RELCH: variants seen among roughly 807,000 people sequenced by gnomAD.
The protein encoded by RELCH is RAB11 binding and LisH domain, coiled-coil and HEAT repeat containing.
RELCH carries 41 observed loss-of-function variants against 150.3 expected under a neutral mutation model. The observed-to-expected ratio is 0.27, with a 90% CI of 0.21 to 0.35. RELCH has a LOEUF of 0.35. Among genes scored for constraint, RELCH ranks in the 10% least tolerant of loss-of-function variants. The pLI, the probability that RELCH is intolerant of heterozygous loss-of-function variation, is 1.00. For missense variants in RELCH, 1,092 were observed against 1,467.8 expected (o/e 0.74, Z 4.18); for synonymous variants, 478 against 531.8 (o/e 0.90, Z 1.39).
intron 24 of RELCH, 51 bp downstream of exon 24, chr18:62,280,760 G>A: frequency 8.3e-7 from 1 of 1,204,944 alleles, no homozygotes; most frequent in South Asian, 1.2e-5. Flanking sequence ...ATGTGGTCAT[G>A]ATACATGTAT....
intron 10 of RELCH, among the ~76,000 whole-genome samples, chr18:62,242,328 G>A (rs1600029948): frequency 6.6e-6 from 1 of 152,098 alleles, no homozygotes; most frequent in Non-Finnish European, 1.5e-5. Flanking sequence ...AGAAATTTAG[G>A]GTTCAAGGAG....
intron 5 of RELCH, among the ~76,000 whole-genome samples, chr18:62,224,034 A>G (rs1169056788): frequency 6.6e-6 from 1 of 152,076 alleles, no homozygotes. Flanking sequence ...TTTGATACAT[A>G]GGTATACATG....
At chr18:62,241,020 T>A (rs79564191) in intron 10 of RELCH, among the ~76,000 whole-genome samples, 13,684 of 152,086 alleles carry the variant, frequency 0.09, 706 homozygotes, top group Middle Eastern at 0.17. Flanking sequence ...CTCACAATCT[T>A]CCTGTGCAAA....
intron 22 of RELCH, among the ~76,000 whole-genome samples, chr18:62,278,750 C>T (rs1005471528): frequency 4.6e-5 from 7 of 152,036 alleles, no homozygotes; most frequent in Admixed American, 2.0e-4. Flanking sequence ...AAAATGTATA[C>T]GGCTCAGTAT....
At chr18:62,203,768 G>C (rs937816737) in intron 1 of RELCH, among the ~76,000 whole-genome samples, 2 of 152,060 alleles carry the variant, frequency 1.3e-5, no homozygotes, top group African/African-American at 4.8e-5. Flanking sequence ...ACTGCTTGAG[G>C]CCAGGAATTT....
At position 62,306,416 on chromosome 18, in the gene RELCH, G is replaced by A. The variant is rs2045880661; in HGVS notation, c.*882G>A. Reference sequence around the variant, plus strand: ...AATCTGAAATTTAACACTTATTTATGTAAAACACTTTATTTAAGATATTTT... The same window carrying A: ...AATCTGAAATTTAACACTTATTTATATAAAACACTTTATTTAAGATATTTT... On this transcript the variant is annotated 3_prime_UTR_variant, in exon 29 of 29. Coordinates refer to ENST00000644646, the MANE Select transcript of RELCH (RefSeq NM_001346231.2). 1 of 152,182 alleles carries A rather than the reference G, an allele frequency of 6.6e-6. No individual in the cohort carries two copies. The highest frequency in any genetic ancestry group is 6.5e-5 in the Admixed American group (1 of 15,270). 9.4% of individuals were successfully genotyped at this position (152,182 alleles called of 1,614,324 possible).
chr18:62,193,503 T>G (rs928508594), intron 1 of RELCH, among the ~76,000 whole-genome samples: 3 of 152,202 alleles, frequency 2.0e-5, no homozygotes, highest in Non-Finnish European at 4.4e-5. Flanking sequence ...TGTGGGTTTG[T>G]CATATATGGC....
chr18:62,273,293 C>A (rs1425995175), intron 20 of RELCH, among the ~76,000 whole-genome samples: 1 of 151,644 alleles, frequency 6.6e-6, no homozygotes, highest in Non-Finnish European at 1.5e-5. Flanking sequence ...AATAATAGTT[C>A]GTTGAAAAAA....
Position 62,232,341 on chromosome 18 carries a change from A to G in RELCH, c.1534A>G (p.Ile512Val). The change falls in exon 10 of 29, where the codon ATT (isoleucine) becomes GTT (valine). Residue 512 changes from isoleucine to valine, a missense_variant. Ile to Val is a conservative substitution (Grantham distance 29). This residue lies in a region of RELCH where 707 missense variants were observed against 1,025.4 expected (regional missense o/e 0.69). Coordinates refer to ENST00000644646, the MANE Select transcript of RELCH (RefSeq NM_001346231.2). ...TTCTTTGGTTTTCTAGGTGTCTCGT[A>G]TTGCAGACAGTGAAAAAAGCGTTAT... The part of the protein sequence containing the change: ...DSRLGYEVSR[I>V]ADSEKSVMLM... 6.2e-7 allele frequency: 1 copy of G among 1,607,596 alleles called. No individual in the cohort carries two copies. The highest frequency in any genetic ancestry group is 8.5e-7 in the Non-Finnish European group (1 of 1,174,798).
At chr18:62,257,383 CT>C (rs1453437274) in intron 13 of RELCH, among the ~76,000 whole-genome samples, 1 of 151,860 alleles carries the variant, frequency 6.6e-6, no homozygotes, top group Admixed American at 6.6e-5. Flanking sequence ...TTTTATTATC[CT>C]TTTTTTCCCA....
At chr18:62,288,700 T>C (rs1393728913) in intron 26 of RELCH, among the ~76,000 whole-genome samples, 1 of 152,146 alleles carries the variant, frequency 6.6e-6, no homozygotes, top group Non-Finnish European at 1.5e-5. Flanking sequence ...CAACTATTCA[T>C]GTCTTCTATA....
chr18:62,281,252 T>G (rs994047206), intron 24 of RELCH, among the ~76,000 whole-genome samples: 1 of 152,244 alleles, frequency 6.6e-6, no homozygotes, highest in Admixed American at 6.5e-5. Context: ...CCAATCTACA[T>G]AAATTCTTGA....
chr18:62,265,754 G>A (rs1009101005), intron 18 of RELCH, among the ~76,000 whole-genome samples: 12 of 151,878 alleles, frequency 7.9e-5, no homozygotes, highest in Admixed American at 7.9e-4. Flanking sequence ...GTCTTTTCAT[G>A]TGTGAAATGA....
intron 5 of RELCH, 43 bp from the exon 6 acceptor site, chr18:62,227,246 A>C (rs1472444099): frequency 7.5e-7 from 1 of 1,331,550 alleles, no homozygotes; most frequent in East Asian, 2.4e-5. Context: ...ATGTAAGATA[A>C]AATTTCCTCG....
chr18:62,245,140 C>CA (rs144677159), intron 11 of RELCH, among the ~76,000 whole-genome samples: 46 of 151,418 alleles, frequency 3.0e-4, no homozygotes, highest in East Asian at 3.9e-4. Flanking sequence ...TTTACTGCAA[C>CA]AAAAAAAACA....
At chr18:62,242,395 A>T (rs574591320) in intron 10 of RELCH, among the ~76,000 whole-genome samples, 1 of 152,334 alleles carries the variant, frequency 6.6e-6, no homozygotes, top group East Asian at 1.9e-4. Flanking sequence ...ATTCATAGCA[A>T]CTGCTGTGTT....
chr18:62,252,396 A>G (rs1200466005), intron 11 of RELCH, among the ~76,000 whole-genome samples: 5 of 151,976 alleles, frequency 3.3e-5, no homozygotes, highest in African/African-American at 9.7e-5. Context: ...GTGAACACTT[A>G]TAGTCCCAGC....
chr18:62,271,842 G>A (rs1425228487), intron 20 of RELCH, among the ~76,000 whole-genome samples: 1 of 152,110 alleles, frequency 6.6e-6, no homozygotes, highest in Non-Finnish European at 1.5e-5. Context: ...TATTAAATAG[G>A]GAATCCTTTC....
At chr18:62,301,624 A>G (rs55707521) in intron 28 of RELCH, among the ~76,000 whole-genome samples, 24,638 of 152,160 alleles carry the variant, frequency 0.16, 2,684 homozygotes, top group Middle Eastern at 0.29. Flanking sequence ...AGAGTTTTTG[A>G]TTCAGAAGAT....
Sources: allele counts gnomAD v4.1 joint callset (sites outside exome capture counted in the v4.1 genomes callset), GRCh38; gene constraint gnomAD v4.1.1; regional missense constraint gnomAD v4.1.1; transcripts MANE v1.5; gene names NCBI Gene and HGNC (gene_info 2026-07-23, HGNC 2026-07-21).